PARN: variants seen among roughly 807,000 people sequenced by gnomAD.
The protein encoded by PARN is poly(A)-specific ribonuclease PARN.
A neutral mutation model predicts 102.8 loss-of-function variants in PARN; 71 were observed. The observed-to-expected ratio is 0.69, with a 90% CI of 0.57 to 0.84. PARN has a LOEUF of 0.84. PARN is among the 40% of genes least tolerant of loss of function. The pLI is 0.00. For missense variants in PARN, 782 were observed against 760.9 expected (o/e 1.03, Z -0.33); for synonymous variants, 261 against 252.9 (o/e 1.03, Z -0.30).
intron 22 of PARN, among the ~76,000 whole-genome samples, chr16:14,466,646 C>T (rs1962374322): frequency 6.6e-6 from 1 of 152,204 alleles, no homozygotes; most frequent in Non-Finnish European, 1.5e-5. Context: ...GAATACATTA[C>T]ATTTCTTCAA....
chr16:14,570,418 C>T (rs1040650069), intron 18 of PARN, among the ~76,000 whole-genome samples: 5 of 148,428 alleles, frequency 3.4e-5, no homozygotes, highest in East Asian at 4.0e-4. Context: ...TTTGGGAGAC[C>T]GAGGCGGCGG....
intron 18 of PARN, among the ~76,000 whole-genome samples, chr16:14,573,449 A>G (rs1053227152): frequency 7.9e-5 from 12 of 152,180 alleles, no homozygotes; most frequent in East Asian, 7.7e-4. Flanking sequence ...CCTTTGACCA[A>G]TATCTCCCCA....
chr16:14,591,390 TAA>T (rs11352789), intron 13 of PARN, among the ~76,000 whole-genome samples: 2,721 of 139,014 alleles, frequency 0.02, 32 homozygotes, highest in African/African-American at 0.037. Context: ...ACTCCATCTC[TAA>T]AAAAAAAAAA....
chr16:14,556,378 T>C (rs895545142), intron 18 of PARN, among the ~76,000 whole-genome samples: 1 of 151,888 alleles, frequency 6.6e-6, no homozygotes, highest in African/African-American at 2.4e-5. Flanking sequence ...CAGGCTAGTC[T>C]CTAACTCCTG....
intron 21 of PARN, among the ~76,000 whole-genome samples, chr16:14,539,040 T>C (rs776699233): frequency 9.2e-5 from 14 of 152,210 alleles, no homozygotes; most frequent in Non-Finnish European, 1.8e-4. Context: ...TTCTACATTA[T>C]GGTGAGTTGT....
chr16:14,548,327 A>G (rs1967088788), intron 21 of PARN, among the ~76,000 whole-genome samples: 1 of 152,214 alleles, frequency 6.6e-6, no homozygotes, highest in African/African-American at 2.4e-5. Context: ...ACCATTATAA[A>G]GAACAAATTT....
chr16:14,468,922 G>GATAGATAGATAAA (rs1468436304), intron 22 of PARN, among the ~76,000 whole-genome samples: 1 of 149,558 alleles, frequency 6.7e-6, no homozygotes, highest in African/African-American at 2.5e-5. Flanking sequence ...TAGATAGATA[G>GATAGATAGATAAA]ATAAAATAAA....
intron 22 of PARN, among the ~76,000 whole-genome samples, chr16:14,469,028 T>C (rs1022075534): frequency 1.3e-5 from 2 of 152,058 alleles, no homozygotes; most frequent in African/African-American, 4.8e-5. Flanking sequence ...TCTGGTACAG[T>C]GGCTCACACC....
intron 22 of PARN, among the ~76,000 whole-genome samples, chr16:14,474,870 G>C (rs1040141083): frequency 6.6e-6 from 1 of 152,186 alleles, no homozygotes; most frequent in Non-Finnish European, 1.5e-5. Flanking sequence ...CAAGGCAATG[G>C]GTCCTGGAAT....
intron 21 of PARN, among the ~76,000 whole-genome samples, chr16:14,550,652 A>G (rs1367491571): frequency 6.6e-6 from 1 of 152,184 alleles, no homozygotes; most frequent in African/African-American, 2.4e-5. Flanking sequence ...CTGAATTTGT[A>G]TATTTGCAGA....
In PARN at chr16:14,582,311, A is replaced by G. The variant is rs1328215893; in HGVS notation, c.1082-20T>C. 1 of 1,542,582 alleles carries G rather than the reference A, an allele frequency of 6.5e-7. No homozygotes were observed. Among genetic ancestry groups the G allele is most frequent in the South Asian group, 1.1e-5 (1 of 89,628 alleles). On this transcript the variant is annotated intron_variant, in intron 16 of 23. Coordinates refer to ENST00000437198, the MANE Select transcript of PARN (RefSeq NM_002582.4). ...CACTTTCTAAGAAAAAAAAGGAAAAAGTTTTCCTCAAAACAAAGACTAGTA... is the reference window on the plus strand; with the variant it reads ...CACTTTCTAAGAAAAAAAAGGAAAAGGTTTTCCTCAAAACAAAGACTAGTA...
At chr16:14,590,057 C>T (rs1374154775) in intron 13 of PARN, among the ~76,000 whole-genome samples, 1 of 151,272 alleles carries the variant, frequency 6.6e-6, no homozygotes, top group African/African-American at 2.4e-5. Context: ...TCAAGACCAG[C>T]CTTGCCAACA....
At chr16:14,627,008 C>A in intron 5 of PARN, 98 bp downstream of exon 5, 1 of 721,576 alleles carries the variant, frequency 1.4e-6, no homozygotes, top group South Asian at 1.6e-5. Context: ...TGATTTGCCC[C>A]AAAGCCCAAA....
chr16:14,445,591 T>C (rs757005965), intron 23 of PARN, among the ~76,000 whole-genome samples: 22 of 152,220 alleles, frequency 1.4e-4, no homozygotes, highest in Non-Finnish European at 2.9e-4. Flanking sequence ...AGACAGGGTG[T>C]CACTCTGTTG....
chr16:14,442,166 G>A (rs1344132544), intron 23 of PARN, among the ~76,000 whole-genome samples: 1 of 152,118 alleles, frequency 6.6e-6, no homozygotes, highest in East Asian at 1.9e-4. Flanking sequence ...TTTCACAATG[G>A]TCAGCCCAGG....
chr16:14,469,007 A>G (rs2151581750), intron 22 of PARN, among the ~76,000 whole-genome samples: 1 of 152,160 alleles, frequency 6.6e-6, no homozygotes, highest in African/African-American at 2.4e-5. Context: ...AAAACGACCT[A>G]AAAAAACGGG....
At chr16:14,537,698 T>C (rs576050368) in intron 21 of PARN, among the ~76,000 whole-genome samples, 4 of 152,152 alleles carry the variant, frequency 2.6e-5, no homozygotes, top group Admixed American at 1.3e-4. Flanking sequence ...GGCAAATGCA[T>C]GTTCTGATTC....
intron 16 of PARN, 93 bp downstream of exon 16, chr16:14,584,254 A>G: frequency 1.2e-6 from 1 of 851,522 alleles, no homozygotes. Flanking sequence ...TAAATGAACA[A>G]TACGGTCTCC....
At chr16:14,611,653 G>A (rs1328214794) in intron 6 of PARN, among the ~76,000 whole-genome samples, 5 of 152,112 alleles carry the variant, frequency 3.3e-5, no homozygotes, top group Non-Finnish European at 7.3e-5. Flanking sequence ...CAATTCTTCT[G>A]TCTCAGCCTC....
Sources: allele counts gnomAD v4.1 joint callset (sites outside exome capture counted in the v4.1 genomes callset), GRCh38; gene constraint gnomAD v4.1.1; transcripts MANE v1.5; gene names NCBI Gene and HGNC (gene_info 2026-07-23, HGNC 2026-07-21).